PACS2: variants seen among roughly 807,000 people sequenced by gnomAD.
PACS2 encodes PACS1-like protein.
Under a neutral mutation model 113.0 loss-of-function variants are expected in PACS2, and 36 were observed. The ratio of observed to expected loss-of-function variants is 0.32; its 90% CI spans 0.24 to 0.42. PACS2 has a LOEUF of 0.42. Among genes scored for constraint, PACS2 ranks in the 10% least tolerant of loss-of-function variants. The pLI is 1.00. For synonymous variants in PACS2, 589 were observed against 536.1 expected (o/e 1.10, Z -1.36); for missense variants, 1,015 against 1,239.5 (o/e 0.82, Z 2.72).
intron 1 of PACS2, among the ~76,000 whole-genome samples, chr14:105,302,900 G>A (rs2058082364): frequency 6.6e-6 from 1 of 151,852 alleles, no homozygotes; most frequent in Non-Finnish European, 1.5e-5. Flanking sequence ...CAAAGTGCTG[G>A]GATTACAGGC....
In PACS2 at chr14:105,330,896, A is replaced by G. The variant is rs977218866; in HGVS notation, c.119+15859A>G. On this transcript the variant is annotated intron_variant, in intron 1 of 24. Transcript: ENST00000447393. This position sits in a 1 kb window ranked among gnomAD's most constrained non-coding sequence, Gnocchi z 6.9. Reference sequence around the variant, plus strand: ...TCTACCGGCATCTCACGTGATGTCAACCTTCTGGGTCCTTGGGGCCTAGCC... The same window carrying G: ...TCTACCGGCATCTCACGTGATGTCAGCCTTCTGGGTCCTTGGGGCCTAGCC... Among the ~76,000 whole-genome samples the G allele has an allele frequency of 1.2e-4, 18 of 151,728 alleles. No individual in the cohort carries two copies. The highest frequency in any genetic ancestry group is 4.4e-4 in the African/African-American group (18 of 41,282).
rs960542944 is a variant in PACS2, at chr14:105,396,297, C to G, written c.*1625C>G. Reference sequence around the variant, plus strand: ...CTGGGACCAGGAGCCTGGGGCACACCCCAGGGTGGGGGAGAGGGTAGGAAG... The same window carrying G: ...CTGGGACCAGGAGCCTGGGGCACACGCCAGGGTGGGGGAGAGGGTAGGAAG... On this transcript the variant is annotated 3_prime_UTR_variant, in exon 25 of 25. Transcript: ENST00000447393. 4 of 152,292 alleles carry G rather than the reference C, an allele frequency of 2.6e-5. No individual in the cohort carries two copies. Among genetic ancestry groups the G allele is most frequent in the African/African-American group, 9.7e-5 (4 of 41,404 alleles). The allele number at this position is 152,292 out of a possible 1,614,324, so 9.4% of individuals were successfully genotyped here. A position where few individuals can be genotyped will look rare whatever the true frequency, so the allele number is the denominator to read the frequency against.
chr14:105,368,669 G>C, intron 7 of PACS2, 130 bp downstream of exon 7: 1 of 706,766 alleles, frequency 1.4e-6, no homozygotes, highest in Non-Finnish European at 2.5e-6. Flanking sequence ...CATGTCCCGT[G>C]GCAGACCCCC....
chr14:105,362,628 A>G (rs2060771038), intron 4 of PACS2, among the ~76,000 whole-genome samples: 3 of 152,040 alleles, frequency 2.0e-5, no homozygotes, highest in Admixed American at 2.0e-4. Context: ...AGGCAGGTGG[A>G]TCATCTGAGG....
rs587738917 is a variant in PACS2, at chr14:105,347,775, G to A, written c.120-718G>A. On this transcript the variant is annotated intron_variant, in intron 1 of 24. Transcript: ENST00000447393. ...ACCCCACACACCTTCAGGCATGGGT[G>A]GGTGGTGTGGGCATCTTCACTGGAT... Among the ~76,000 whole-genome samples the A allele has an allele frequency of 6.6e-5, 10 of 152,358 alleles. No homozygotes were observed. The East Asian group carries it at 1.9e-3, about 29-fold the overall frequency.
intron 17 of PACS2, 39 bp from the exon 18 acceptor site, chr14:105,384,839 TG>T: frequency 1.6e-6 from 2 of 1,285,226 alleles, no homozygotes; most frequent in Non-Finnish European, 2.2e-6. Flanking sequence ...CAACCCCACC[TG>T]GCACCAGCCT....
intron 19 of PACS2, chr14:105,389,086 C>G (rs2081272620): frequency 6.6e-6 from 1 of 152,312 alleles, no homozygotes; most frequent in Non-Finnish European, 1.5e-5. Flanking sequence ...CTGCAGTGGG[C>G]ACAGTCAGCA....
At chr14:105,373,544 C>T (rs1413927313) in intron 8 of PACS2, among the ~76,000 whole-genome samples, 1 of 152,248 alleles carries the variant, frequency 6.6e-6, no homozygotes, top group Non-Finnish European at 1.5e-5. Context: ...GCTGTGGTGG[C>T]ACATGCCTGT....
chr14:105,378,835 G>A (rs1555411156), intron 9 of PACS2, among the ~76,000 whole-genome samples: 2 of 152,016 alleles, frequency 1.3e-5, no homozygotes, highest in African/African-American at 4.8e-5. Flanking sequence ...GGCCTGGATC[G>A]GCCAGATGGT....
chr14:105,333,227 C>G (rs893452190), intron 1 of PACS2, among the ~76,000 whole-genome samples: 2 of 152,352 alleles, frequency 1.3e-5, no homozygotes, highest in South Asian at 2.1e-4. Context: ...CTCCTGGTTC[C>G]CTCTCTTCAC....
intron 5 of PACS2, 64 bp downstream of exon 5, chr14:105,367,439 A>G: frequency 2.6e-6 from 4 of 1,518,846 alleles, no homozygotes; most frequent in Non-Finnish European, 3.6e-6. Flanking sequence ...CAGCCATGGC[A>G]CATCGGGTGG....
At chr14:105,319,225 C>T (rs931415718) in intron 1 of PACS2, among the ~76,000 whole-genome samples, 2 of 152,220 alleles carry the variant, frequency 1.3e-5, no homozygotes, top group Admixed American at 6.5e-5. Flanking sequence ...GGATTACAGG[C>T]GTGAGCCACC....
In PACS2 at chr14:105,396,838, G is replaced by C. The variant is rs1424802340; in HGVS notation, c.*2166G>C. ...GTTTCTTTCCCAAGGGTCACACTCA[G>C]TAGGGAGATGAAGGTGGAAACATCC... On this transcript the variant is annotated 3_prime_UTR_variant, in exon 25 of 25. Transcript: ENST00000447393. 1 of 152,278 alleles carries C rather than the reference G, an allele frequency of 6.6e-6. No homozygotes were observed. The highest frequency in any genetic ancestry group is 1.9e-4 in the East Asian group (1 of 5,196). 9.4% of individuals were successfully genotyped at this position (152,278 alleles called of 1,614,324 possible).
chr14:105,327,725 A>G (rs1466188702), intron 1 of PACS2, among the ~76,000 whole-genome samples: 1 of 152,206 alleles, frequency 6.6e-6, no homozygotes, highest in Non-Finnish European at 1.5e-5. Context: ...GCAACATGAT[A>G]TCCAGAGATT....
At chr14:105,306,094 C>G (rs780876535) in intron 1 of PACS2, among the ~76,000 whole-genome samples, 10 of 152,190 alleles carry the variant, frequency 6.6e-5, no homozygotes, top group Non-Finnish European at 1.3e-4. Flanking sequence ...GTAGGTGTTG[C>G]ACTGAAATGA....
At chr14:105,377,528 T>C (rs587650187) in intron 9 of PACS2, among the ~76,000 whole-genome samples, 462 of 152,292 alleles carry the variant, frequency 3.0e-3, no homozygotes, top group Non-Finnish European at 4.6e-3. Flanking sequence ...GGTGCCAGCC[T>C]CTGGGCAGCT....
At position 105,355,794 on chromosome 14, in the gene PACS2, C is replaced by T. The variant is rs587603997; in HGVS notation, c.423+617C>T. 2.0e-5 allele frequency among the ~76,000 whole-genome samples: 3 copies of T among 152,324 alleles called. No homozygotes were observed. Among genetic ancestry groups the T allele is most frequent in the East Asian group, 1.9e-4 (1 of 5,180 alleles). ...GCGTTCCAAGGAGGCTGCAGTAGGG[C>T]GTGGGGGCCTGGGAGAAGACACCCC... is the stretch of plus-strand genomic sequence containing the variant. On this transcript the variant is annotated intron_variant, in intron 4 of 24. Coordinates refer to ENST00000447393, the MANE Select transcript of PACS2 (RefSeq NM_001100913.3). The surrounding 1 kb of genome is among the most constrained non-coding windows in gnomAD (Gnocchi z 4.1).
At chr14:105,350,694 C>T (rs375945554) in intron 2 of PACS2, among the ~76,000 whole-genome samples, 4 of 152,372 alleles carry the variant, frequency 2.6e-5, no homozygotes, top group East Asian at 1.9e-4. Context: ...CGTGCACCTT[C>T]GCCTCACTGG....
At chr14:105,389,515 T>C (rs1393713112) in intron 19 of PACS2, 2 of 191,024 alleles carry the variant, frequency 1.0e-5, no homozygotes, top group Non-Finnish European at 2.2e-5. Flanking sequence ...GCCCAGGCTC[T>C]TCCTGGGAGT....
Sources: allele counts gnomAD v4.1 joint callset (sites outside exome capture counted in the v4.1 genomes callset), GRCh38; gene constraint gnomAD v4.1.1; non-coding constraint Gnocchi (gnomAD v3.1); transcripts MANE v1.5; gene names NCBI Gene and HGNC (gene_info 2026-07-23, HGNC 2026-07-21).